Variants in KCTD16 observed in about 807,000 individuals in gnomAD.
The protein encoded by KCTD16 is BTB/POZ domain-containing protein KCTD16.
KCTD16 carries 13 observed loss-of-function variants against 33.2 expected under a neutral mutation model. That is an observed-to-expected ratio of 0.39 (90% CI 0.25 to 0.62). KCTD16 has a LOEUF of 0.62. Ranked by LOEUF, KCTD16 falls within the 20% of genes least tolerant of loss-of-function variation. KCTD16 has a pLI of 0.50. For missense variants in KCTD16, 441 were observed against 525.1 expected, an observed-to-expected ratio of 0.84 and a Z score of 1.57; for synonymous variants, 197 against 195.3, an observed-to-expected ratio of 1.01 and a Z score of -0.07.
chr5:144,467,782 A>G (rs1420384248), intron 3 of KCTD16, among the ~76,000 whole-genome samples: 1 of 152,100 alleles, frequency 6.6e-6, no homozygotes, highest in African/African-American at 2.4e-5. Context: ...AGTGTCTTTC[A>G]TGTCTTTTGC....
chr5:144,239,506 A>C (rs1479289040), intron 3 of KCTD16, among the ~76,000 whole-genome samples: 1 of 152,100 alleles, frequency 6.6e-6, no homozygotes, highest in Non-Finnish European at 1.5e-5. Flanking sequence ...TCTTCTTCAA[A>C]GGGCTTTTAA....
intron 3 of KCTD16, among the ~76,000 whole-genome samples, chr5:144,375,195 G>A (rs1752062715): frequency 6.6e-6 from 1 of 152,178 alleles, no homozygotes; most frequent in South Asian, 2.1e-4. Flanking sequence ...GACATATTAT[G>A]AAGAGATACT....
Position 144,171,004 on chromosome 5 carries a change from G to C in KCTD16, c.-498G>C, listed in dbSNP as rs1318164770. Reference sequence around the variant, plus strand: ...ACTGTGATTCAAGCACTGTGCTAAAGTGTTTGTATGTATTATTTAATCTTT... The same window carrying C: ...ACTGTGATTCAAGCACTGTGCTAAACTGTTTGTATGTATTATTTAATCTTT... On this transcript the variant is annotated 5_prime_UTR_variant, in exon 1 of 4. Coordinates refer to ENST00000512467, the MANE Select transcript of KCTD16 (RefSeq NM_020768.4). 6.6e-6 allele frequency: 1 copy of C among 152,202 alleles called. No homozygotes were observed. The highest frequency in any genetic ancestry group is 1.5e-5 in the Non-Finnish European group (1 of 68,030). The allele number at this position is 152,202 out of a possible 1,614,324, so 9.4% of individuals were successfully genotyped here.
intron 3 of KCTD16, among the ~76,000 whole-genome samples, chr5:144,467,121 A>G (rs963224917): frequency 6.9e-6 from 1 of 144,070 alleles, no homozygotes; most frequent in South Asian, 2.1e-4. Flanking sequence ...AACACTATAT[A>G]TATTACATAT....
intron 3 of KCTD16, among the ~76,000 whole-genome samples, chr5:144,456,902 C>T (rs1189200419): frequency 6.6e-6 from 1 of 152,072 alleles, no homozygotes; most frequent in African/African-American, 2.4e-5. Context: ...TAGCACTATA[C>T]AGACTGTTTT....
intron 3 of KCTD16, among the ~76,000 whole-genome samples, chr5:144,268,454 A>C (rs780665756): frequency 6.6e-6 from 1 of 152,182 alleles, no homozygotes; most frequent in Non-Finnish European, 1.5e-5. Context: ...AGTCACAAAT[A>C]ACTTTATATA....
At chr5:144,190,638 C>T (rs1479414948) in intron 2 of KCTD16, among the ~76,000 whole-genome samples, 1 of 152,148 alleles carries the variant, frequency 6.6e-6, no homozygotes. Context: ...TACTAAAGAA[C>T]ACACTTTTCC....
In KCTD16 at chr5:144,207,341, G is replaced by C; in HGVS notation, c.627G>C (p.Leu209Phe). 6.2e-7 allele frequency: 1 copy of C among 1,614,188 alleles called. No individual in the cohort carries two copies. ...SLAKEVFGET[L>F]NESRDPDRAP... ...CAAAAGAAGTCTTTGGAGAAACTTT[G>C]AATGAAAGCAGAGACCCTGATCGAG... The change falls in exon 3 of 4, where the codon TTG (leucine) becomes TTC (phenylalanine). Residue 209 changes from leucine to phenylalanine, a missense_variant. This residue lies in a region of KCTD16 where 355 missense variants were observed against 413.0 expected (regional missense o/e 0.86). Coordinates refer to ENST00000512467, the MANE Select transcript of KCTD16 (RefSeq NM_020768.4).
chr5:144,410,318 A>G (rs151122060), intron 3 of KCTD16, among the ~76,000 whole-genome samples: 1 of 152,336 alleles, frequency 6.6e-6, no homozygotes, highest in African/African-American at 2.4e-5. Flanking sequence ...TAAATTATTT[A>G]TTCTTCATGA....
At chr5:144,192,208 A>G (rs1364452458) in intron 2 of KCTD16, among the ~76,000 whole-genome samples, 1 of 152,188 alleles carries the variant, frequency 6.6e-6, no homozygotes, top group Non-Finnish European at 1.5e-5. Flanking sequence ...TCAAGGTTTC[A>G]GGTTGATGCA....
At chr5:144,300,556 G>C (rs1751403946) in intron 3 of KCTD16, among the ~76,000 whole-genome samples, 1 of 152,086 alleles carries the variant, frequency 6.6e-6, no homozygotes, top group African/African-American at 2.4e-5. Flanking sequence ...AGTTATAACT[G>C]ACCTTATACA....
intron 3 of KCTD16, among the ~76,000 whole-genome samples, chr5:144,425,328 A>G (rs1419536290): frequency 6.6e-6 from 1 of 151,982 alleles, no homozygotes; most frequent in Non-Finnish European, 1.5e-5. Flanking sequence ...CCCCAAGGCC[A>G]CAGGCCTATA....
At chr5:144,406,776 T>C (rs1167086561) in intron 3 of KCTD16, among the ~76,000 whole-genome samples, 5 of 152,184 alleles carry the variant, frequency 3.3e-5, no homozygotes, top group Non-Finnish European at 5.9e-5. Flanking sequence ...ATTCAGACAG[T>C]GGAGATTCCA....
chr5:144,372,961 G>C (rs1752001890), intron 3 of KCTD16, among the ~76,000 whole-genome samples: 1 of 152,076 alleles, frequency 6.6e-6, no homozygotes, highest in Admixed American at 6.6e-5. Context: ...CAGTTAGAAG[G>C]GTTATAATAA....
chr5:144,441,181 A>G (rs1753699409), intron 3 of KCTD16, among the ~76,000 whole-genome samples: 1 of 152,014 alleles, frequency 6.6e-6, no homozygotes, highest in South Asian at 2.1e-4. Flanking sequence ...CAGATGTATG[A>G]TGTGTGAATA....
At chr5:144,304,922 G>A (rs907674391) in intron 3 of KCTD16, among the ~76,000 whole-genome samples, 3 of 151,396 alleles carry the variant, frequency 2.0e-5, no homozygotes, top group Admixed American at 6.6e-5. Flanking sequence ...TAGGGCCAAA[G>A]GCCCTTTTGT....
chr5:144,330,710 TGGTATA>T (rs905419111), intron 3 of KCTD16, among the ~76,000 whole-genome samples: 2 of 152,190 alleles, frequency 1.3e-5, no homozygotes, highest in Non-Finnish European at 2.9e-5. Context: ...TAGCCTCTTA[TGGTATA>T]GGTTATCTTA....
intron 3 of KCTD16, among the ~76,000 whole-genome samples, chr5:144,381,620 C>A (rs1752217460): frequency 6.6e-6 from 1 of 152,096 alleles, no homozygotes; most frequent in African/African-American, 2.4e-5. Flanking sequence ...GTGCCACACA[C>A]TTTTGAACCA....
chr5:144,458,977 C>T (rs1239252973), intron 3 of KCTD16, among the ~76,000 whole-genome samples: 1 of 152,138 alleles, frequency 6.6e-6, no homozygotes, highest in Non-Finnish European at 1.5e-5. Context: ...GTAATGATTC[C>T]TGATTGTAGA....
Sources: allele counts gnomAD v4.1 joint callset (sites outside exome capture counted in the v4.1 genomes callset), GRCh38; gene constraint gnomAD v4.1.1; regional missense constraint gnomAD v4.1.1; transcripts MANE v1.5; gene names NCBI Gene and HGNC (gene_info 2026-07-23, HGNC 2026-07-21).